PRPF18: variants seen among roughly 807,000 people sequenced by gnomAD.
PRPF18 encodes pre-mRNA-splicing factor 18.
In PRPF18, 38 loss-of-function variants were observed where a neutral mutation model predicts 46.5. The observed-to-expected ratio is 0.82, with a 90% confidence interval of 0.63 to 1.07. The LOEUF (loss-of-function observed/expected upper bound fraction) is 1.07. PRPF18 is among the 50% of genes least tolerant of loss of function. PRPF18 has a pLI of 0.00. For synonymous variants in PRPF18, 152 were observed against 146.7 expected (o/e 1.04, Z -0.26); for missense variants, 263 against 410.0 (o/e 0.64, Z 3.10).
At chr10:13,646,938 C>T in the PRPF18 span, 17 of 966,692 alleles carry the variant, frequency 1.8e-5, no homozygotes, top group Admixed American at 6.2e-5. Flanking sequence ...CTGGCTCACA[C>T]GAGGGTCCCG....
At chr10:13,597,871 C>G (rs372485630) in intron 2 of PRPF18, among the ~76,000 whole-genome samples, 6 of 151,884 alleles carry the variant, frequency 4.0e-5, no homozygotes, top group Admixed American at 6.6e-5. Flanking sequence ...TCCTCTCCCC[C>G]ACCTCTCCCA....
At chr10:13,648,443 C>G in the PRPF18 span, among the ~76,000 whole-genome samples, 1 of 152,236 alleles carries the variant, frequency 6.6e-6, no homozygotes, top group Non-Finnish European at 1.5e-5. Context: ...CTCCCTAACT[C>G]CACGTGGTCC....
At chr10:13,592,191 T>C in intron 1 of PRPF18, 1 of 624,202 alleles carries the variant, frequency 1.6e-6, no homozygotes, top group Admixed American at 1.9e-5. Flanking sequence ...AGGGTTGTGC[T>C]GCAATGGGGC....
At chr10:13,652,895 C>T in the PRPF18 span, 6 of 152,116 alleles carry the variant, frequency 3.9e-5, no homozygotes, top group African/African-American at 1.2e-4. Flanking sequence ...GAGGCTCACT[C>T]GTGCTGCTGG....
chr10:13,642,980 C>G, the PRPF18 span: 1 of 152,348 alleles, frequency 6.6e-6, no homozygotes, highest in Non-Finnish European at 1.5e-5. Context: ...GGAGGCCAGA[C>G]TTCCAGTTTT....
At chr10:13,626,070 T>C (rs138196589) in intron 9 of PRPF18, among the ~76,000 whole-genome samples, 139 of 152,338 alleles carry the variant, frequency 9.1e-4, no homozygotes, top group African/African-American at 3.1e-3. Flanking sequence ...CAAGGTCACA[T>C]GGCTAGTCAG....
At chr10:13,609,987 C>T in intron 4 of PRPF18, 52 bp from the exon 5 acceptor site, 1 of 1,487,408 alleles carries the variant, frequency 6.7e-7, no homozygotes, top group Non-Finnish European at 9.2e-7. Context: ...GGTGAAAAAA[C>T]AGGTGTTCTT....
the PRPF18 span, chr10:13,641,130 C>T: frequency 2.6e-5 from 4 of 152,330 alleles, no homozygotes; most frequent in South Asian, 4.1e-4. Flanking sequence ...ATCTAATTTA[C>T]TTTCTATTGG....
At chr10:13,615,639 T>G (rs1334021401) in intron 8 of PRPF18, among the ~76,000 whole-genome samples, 1 of 152,214 alleles carries the variant, frequency 6.6e-6, no homozygotes, top group Non-Finnish European at 1.5e-5. Context: ...TTTATAAGCT[T>G]CTCTTAACCC....
chr10:13,601,336 T>C (rs2080106035), intron 3 of PRPF18, among the ~76,000 whole-genome samples: 1 of 152,244 alleles, frequency 6.6e-6, no homozygotes, highest in South Asian at 2.1e-4. Flanking sequence ...GTTGTGTTTA[T>C]AGTGTTTGTC....
chr10:13,651,426 G>A, the PRPF18 span: 1 of 155,614 alleles, frequency 6.4e-6, no homozygotes, highest in Non-Finnish European at 1.4e-5. Flanking sequence ...GATAGAACAT[G>A]GTGAGTCTAA....
chr10:13,627,307 G>T (rs1480860698), intron 9 of PRPF18, among the ~76,000 whole-genome samples: 1 of 152,136 alleles, frequency 6.6e-6, no homozygotes, highest in Non-Finnish European at 1.5e-5. Flanking sequence ...AGGAGGGTGG[G>T]ATTTTTTCTG....
chr10:13,652,100 G>A, the PRPF18 span: 1 of 706,476 alleles, frequency 1.4e-6, no homozygotes, highest in Non-Finnish European at 2.6e-6. Flanking sequence ...AGACACCTGA[G>A]TTAGCAACAG....
At chr10:13,600,095 T>C in intron 2 of PRPF18, 149 bp from the exon 3 acceptor site, 1 of 582,820 alleles carries the variant, frequency 1.7e-6, no homozygotes, top group South Asian at 2.7e-5. Context: ...TGTAAGCATG[T>C]ACACTTATTG....
chr10:13,633,594 A>T (rs180888343), downstream of PRPF18, among the ~76,000 whole-genome samples: 3 of 152,154 alleles, frequency 2.0e-5, no homozygotes, highest in East Asian at 5.8e-4. Context: ...GCCCCACCCC[A>T]TGAGGTTAAT....
chr10:13,651,985 G>A, the PRPF18 span: 9 of 1,502,996 alleles, frequency 6.0e-6, no homozygotes, highest in South Asian at 1.1e-5. Context: ...CTGAACAAAG[G>A]AAAGCAGGAG....
At chr10:13,612,641 T>TTTC (rs1159297768) in intron 6 of PRPF18, among the ~76,000 whole-genome samples, 1 of 149,374 alleles carries the variant, frequency 6.7e-6, no homozygotes, top group South Asian at 2.1e-4. Context: ...TTTTTTTTTT[T>TTTC]TTTTTTTAAG....
chr10:13,654,655 T>G, the PRPF18 span: 1 of 618,764 alleles, frequency 1.6e-6, no homozygotes, highest in Non-Finnish European at 2.9e-6. Flanking sequence ...CAGAGCAGGG[T>G]CTCAGCATCC....
At chr10:13,652,134 TCA>T in the PRPF18 span, 7 of 650,402 alleles carry the variant, frequency 1.1e-5, no homozygotes, top group South Asian at 1.3e-4. Context: ...TGCAGTACTT[TCA>T]GTCCCCATAA....
Sources: allele counts gnomAD v4.1 joint callset (sites outside exome capture counted in the v4.1 genomes callset), GRCh38; gene constraint gnomAD v4.1.1; transcripts MANE v1.5; gene names NCBI Gene and HGNC (gene_info 2026-07-23, HGNC 2026-07-21).